SYTL2: variants seen among roughly 807,000 people sequenced by gnomAD.
SYTL2 encodes synaptotagmin-like protein 2.
Under a neutral mutation model 198.7 loss-of-function variants are expected in SYTL2, and 165 were observed. The ratio of observed to expected loss-of-function variants is 0.83; its 90% CI spans 0.73 to 0.94. SYTL2 has a LOEUF of 0.94. Ranked by LOEUF, SYTL2 falls within the 40% of genes least tolerant of loss-of-function variation. SYTL2 has a pLI of 0.00. For missense variants in SYTL2, 2,835 were observed against 2,582.8 expected, an observed-to-expected ratio of 1.10 and a Z score of -2.12; for synonymous variants, 966 against 917.7, an observed-to-expected ratio of 1.05 and a Z score of -0.95.
the SYTL2 span, among the ~76,000 whole-genome samples, chr11:85,850,087 T>C: frequency 2.0e-5 from 3 of 146,710 alleles, no homozygotes; most frequent in South Asian, 2.2e-4. Context: ...GGCTCTCTGT[T>C]TGTCTGTTGT....
At chr11:85,704,081 G>A (rs2084764305) in intron 16 of SYTL2, among the ~76,000 whole-genome samples, 1 of 151,626 alleles carries the variant, frequency 6.6e-6, no homozygotes, top group African/African-American at 2.4e-5. Flanking sequence ...AAGTGCAAAT[G>A]GACTAGATAA....
rs749234650 is a variant in SYTL2 at position 85,707,405 on chromosome 11, C to T, written c.6018+24G>A. 9.1e-6 allele frequency: 14 copies of T among 1,530,354 alleles called. No homozygotes were observed. The Admixed American group carries it at 2.3e-4, about 26-fold the overall frequency. The allele number at this position is 1,530,354 out of a possible 1,614,324, so 94.8% of individuals were successfully genotyped here. On this transcript the variant is annotated intron_variant, in intron 15 of 19. Transcript: ENST00000359152. The stretch of plus-strand genomic sequence containing the variant: ...TAAACAGGTCACCATCTAGGATTTT[C>T]CTATAGAGAGAGTTCATAGATACCC...
chr11:85,699,405 G>C lies in SYTL2; in HGVS notation c.6268+1110C>G, dbSNP rs140972471. ...TGCCCTCTACTACCAAGTGATAGAA[G>C]GAAAAAGGGAAATGGGATTTCTATG... On this transcript the variant is annotated intron_variant, in intron 17 of 19. Transcript: ENST00000359152. 1.3e-3 allele frequency among the ~76,000 whole-genome samples: 195 copies of C among 152,096 alleles called. 1 individual carries two copies. Among genetic ancestry groups the C allele is most frequent in the African/African-American group, 4.5e-3 (185 of 41,500 alleles).
upstream of SYTL2, among the ~76,000 whole-genome samples, chr11:85,814,042 T>C (rs1592110687): frequency 6.6e-6 from 1 of 152,210 alleles, no homozygotes; most frequent in Non-Finnish European, 1.5e-5. Flanking sequence ...ATTGTTCTTC[T>C]ATAAAATAGA....
Position 85,734,758 on chromosome 11 carries a change from C to A in SYTL2, c.587-16G>T. 6.3e-7 allele frequency: 1 copy of A among 1,582,766 alleles called. No individual in the cohort carries two copies. Among genetic ancestry groups the A allele is most frequent in the Non-Finnish European group, 8.6e-7 (1 of 1,156,098 alleles). On this transcript the variant is annotated splice_polypyrimidine_tract_variant and intron_variant, in intron 6 of 19. Coordinates refer to ENST00000359152, the MANE Select transcript of SYTL2 (RefSeq NM_206927.4). ...GACAATTCATCTGAAAATTAAAACA[C>A]AGTAGGTGATATATCATATAGAGAG...
chr11:85,703,046 C>A (rs923858242), intron 16 of SYTL2, among the ~76,000 whole-genome samples: 1 of 151,820 alleles, frequency 6.6e-6, no homozygotes, highest in Non-Finnish European at 1.5e-5. Flanking sequence ...ATAGACATAG[C>A]AGATAAAATT....
At chr11:85,816,738 G>C in the SYTL2 span, among the ~76,000 whole-genome samples, 31 of 151,790 alleles carry the variant, frequency 2.0e-4, 1 homozygote, top group Admixed American at 6.6e-4. Flanking sequence ...AGTGAGACTT[G>C]TTCTCTACAA....
At chr11:85,826,549 G>C in the SYTL2 span, among the ~76,000 whole-genome samples, 1 of 152,234 alleles carries the variant, frequency 6.6e-6, no homozygotes, top group Non-Finnish European at 1.5e-5. Flanking sequence ...GGGGAGTCAG[G>C]TGAGAGAGAA....
At chr11:85,749,786 G>A (rs1190159947) in intron 2 of SYTL2, among the ~76,000 whole-genome samples, 1 of 152,178 alleles carries the variant, frequency 6.6e-6, no homozygotes, top group Non-Finnish European at 1.5e-5. Context: ...GTGAACCTTT[G>A]CCTTCTCCTC....
intron 1 of SYTL2, among the ~76,000 whole-genome samples, chr11:85,794,597 C>A (rs1030915151): frequency 1.2e-4 from 19 of 152,202 alleles, no homozygotes; most frequent in African/African-American, 4.6e-4. Context: ...ATGGGCATCA[C>A]ATCTCTCCAT....
intron 17 of SYTL2, 37 bp from the exon 18 acceptor site, chr11:85,698,115 GT>G: frequency 1.4e-6 from 2 of 1,421,502 alleles, no homozygotes; most frequent in Non-Finnish European, 2.0e-6. Context: ...TTCACTGCCA[GT>G]TCTCCCTTGG....
chr11:85,759,082 T>C (rs1326683160), intron 1 of SYTL2, among the ~76,000 whole-genome samples: 1 of 151,490 alleles, frequency 6.6e-6, no homozygotes, highest in African/African-American at 2.4e-5. Context: ...CCGTCTCTAC[T>C]AAAAAATACA....
intron 1 of SYTL2, among the ~76,000 whole-genome samples, chr11:85,761,890 T>A (rs2092105170): frequency 6.6e-6 from 1 of 152,196 alleles, no homozygotes; most frequent in Non-Finnish European, 1.5e-5. Context: ...AACTCCTGGC[T>A]TCAAGTGATC....
rs1278871904 is a variant in SYTL2 at position 85,707,478 on chromosome 11, G to A, written c.5969C>T (p.Thr1990Ile). ...ATTCAAGGTTTTCTTCACTACGAGT[G>A]TTTTCTTCTTGCCCATTTTGCCTTT... ...PDKGKMGKKK[T>I]LVVKKTLNPV... The change falls in exon 15 of 20, where the codon ACA (threonine) becomes ATA (isoleucine). Residue 1990 changes from threonine (T) to isoleucine (I), a missense_variant. Physicochemically the swap from Thr to Ile is moderately conservative, Grantham distance 89. This residue lies in a region of SYTL2 where 2,645 missense variants were observed against 2,381.7 expected (regional missense o/e 1.11). Transcript: ENST00000359152. 1 of 1,614,012 alleles carries A rather than the reference G, an allele frequency of 6.2e-7. No homozygotes were observed. The highest frequency in any genetic ancestry group is 1.1e-5 in the South Asian group (1 of 91,076).
At chr11:85,850,127 A>G in the SYTL2 span, among the ~76,000 whole-genome samples, 33 of 146,758 alleles carry the variant, frequency 2.2e-4, no homozygotes, top group Admixed American at 1.9e-3. Context: ...TGATTTTTGT[A>G]CATTGATTTT....
At chr11:85,786,327 A>C (rs552150562) in intron 1 of SYTL2, among the ~76,000 whole-genome samples, 14 of 152,306 alleles carry the variant, frequency 9.2e-5, no homozygotes, top group Admixed American at 8.5e-4. Context: ...GTAACTGGTC[A>C]GTATCTGGCC....
chr11:85,703,137 T>C (rs1449750397), intron 16 of SYTL2, among the ~76,000 whole-genome samples: 2 of 152,118 alleles, frequency 1.3e-5, no homozygotes, highest in Non-Finnish European at 2.9e-5. Flanking sequence ...AGAGACATGT[T>C]GGACAGAATA....
rs776333860 is a variant in SYTL2 at position 85,711,192 on chromosome 11, T to C, written c.5666A>G (p.Tyr1889Cys). 7 of 1,614,108 alleles carry C rather than the reference T, an allele frequency of 4.3e-6. No homozygotes were observed. In the South Asian group the frequency reaches 7.7e-5, roughly 18 times the overall value. The change falls in exon 13 of 20, where the codon TAC (tyrosine) becomes TGC (cysteine). Residue 1889 changes from tyrosine (Y) to cysteine (C), a missense_variant. This residue lies in a region of SYTL2 where 2,645 missense variants were observed against 2,381.7 expected (regional missense o/e 1.11). Coordinates refer to ENST00000359152, the MANE Select transcript of SYTL2 (RefSeq NM_206927.4). Reference protein sequence around the residue: ...RETDTASESSYQLSRHKKSPS... With the variant: ...RETDTASESSCQLSRHKKSPS... ...GCTCTTCTTGTGTCTGCTGAGCTGG[T>C]AACTGCTTTCTGATGCTGTATCTGT...
At chr11:85,796,056 A>T (rs911697100) in intron 1 of SYTL2, among the ~76,000 whole-genome samples, 6 of 152,218 alleles carry the variant, frequency 3.9e-5, no homozygotes, top group African/African-American at 1.4e-4. Flanking sequence ...AACCACTTAC[A>T]TAAGAACTGA....
Sources: gnomAD v4.1 joint callset for allele counts (sites outside exome capture counted in the v4.1 genomes callset) on GRCh38, gnomAD v4.1.1 for gene constraint, gnomAD v4.1.1 regional missense constraint, MANE v1.5 for transcripts, NCBI Gene and HGNC (gene_info 2026-07-23, HGNC 2026-07-21) for gene names.